BBS9: variants seen among roughly 807,000 people sequenced by gnomAD.
BBS9 encodes Bardet-Biedl syndrome 9, also known as protein PTHB1.
A neutral mutation model predicts 117.7 loss-of-function variants in BBS9; 89 were observed. The ratio of observed to expected loss-of-function variants is 0.76; its 90% CI spans 0.64 to 0.90. The LOEUF is 0.90. Among genes scored for constraint, BBS9 ranks in the 40% least tolerant of loss-of-function variants. The probability of loss-of-function intolerance (pLI) is 0.00; values close to 1 mark genes in which losing one functional copy is unlikely to be tolerated. For missense variants in BBS9, 982 were observed against 1,042.2 expected (o/e 0.94, Z 0.80); for synonymous variants, 379 against 370.9 (o/e 1.02, Z -0.25).
At chr7:33,503,962 G>A (rs1308352057) in intron 19 of BBS9, among the ~76,000 whole-genome samples, 3 of 152,156 alleles carry the variant, frequency 2.0e-5, no homozygotes, top group South Asian at 2.1e-4. Context: ...ACAGTAATCC[G>A]TCCCTTTGCT....
At chr7:33,465,311 T>C (rs994145579) in intron 19 of BBS9, among the ~76,000 whole-genome samples, 1 of 151,564 alleles carries the variant, frequency 6.6e-6, no homozygotes, top group African/African-American at 2.4e-5. Context: ...GGCATATTTA[T>C]TTTATGATCG....
chr7:33,332,417 G>T (rs1335144054), intron 9 of BBS9, among the ~76,000 whole-genome samples: 1 of 152,172 alleles, frequency 6.6e-6, no homozygotes, highest in Non-Finnish European at 1.5e-5. Flanking sequence ...TGGGGCTCAC[G>T]CCTGTAATCC....
intron 15 of BBS9, among the ~76,000 whole-genome samples, chr7:33,356,121 CAAGTTT>C (rs1190777289): frequency 6.6e-6 from 1 of 151,780 alleles, no homozygotes; most frequent in African/African-American, 2.4e-5. Context: ...AAGATGGAAA[CAAGTTT>C]AAGTTTCCTT....
intron 21 of BBS9, among the ~76,000 whole-genome samples, chr7:33,631,040 G>A (rs749561245): frequency 2.0e-5 from 3 of 152,214 alleles, no homozygotes; most frequent in Admixed American, 2.0e-4. Context: ...AGCACAGGGG[G>A]TGATACAGGC....
chr7:33,332,159 G>A (rs552787636), intron 9 of BBS9, among the ~76,000 whole-genome samples: 3 of 148,474 alleles, frequency 2.0e-5, no homozygotes, highest in East Asian at 2.2e-4. Flanking sequence ...GACTTCGAGC[G>A]AACTGATCTT....
intron 19 of BBS9, among the ~76,000 whole-genome samples, chr7:33,453,142 A>G (rs1838138239): frequency 6.6e-6 from 1 of 152,198 alleles, no homozygotes; most frequent in East Asian, 1.9e-4. Flanking sequence ...GGTCTTAACT[A>G]TGGTTATGGG....
chr7:33,172,961 T>C (rs1244585070), intron 4 of BBS9, among the ~76,000 whole-genome samples: 2 of 152,198 alleles, frequency 1.3e-5, no homozygotes, highest in Admixed American at 1.3e-4. Flanking sequence ...CAGGCAGACA[T>C]CCTTAAAAAT....
At chr7:33,437,304 C>T (rs1341944133) in intron 19 of BBS9, among the ~76,000 whole-genome samples, 1 of 152,182 alleles carries the variant, frequency 6.6e-6, no homozygotes, top group Non-Finnish European at 1.5e-5. Flanking sequence ...CAGCTGACCT[C>T]TCTGCTCCCA....
chr7:33,499,046 C>T (rs1049348871), intron 19 of BBS9, among the ~76,000 whole-genome samples: 1 of 152,102 alleles, frequency 6.6e-6, no homozygotes, highest in Non-Finnish European at 1.5e-5. Flanking sequence ...CTTTTTACTC[C>T]TCTCATTTAA....
intron 19 of BBS9, among the ~76,000 whole-genome samples, chr7:33,445,634 A>G (rs1295089999): frequency 6.6e-6 from 1 of 152,184 alleles, no homozygotes; most frequent in Non-Finnish European, 1.5e-5. Flanking sequence ...ATCCATCTAA[A>G]TGATATTGAT....
intron 19 of BBS9, among the ~76,000 whole-genome samples, chr7:33,407,158 T>A (rs539371457): frequency 6.6e-6 from 1 of 152,318 alleles, no homozygotes; most frequent in South Asian, 2.1e-4. Flanking sequence ...TCTCTAAACT[T>A]CCCTTCTCGC....
At chr7:33,554,406 A>G (rs892720116) in intron 21 of BBS9, among the ~76,000 whole-genome samples, 1 of 152,156 alleles carries the variant, frequency 6.6e-6, no homozygotes, top group African/African-American at 2.4e-5. Context: ...GGTTATGGCA[A>G]TGGAGATAGA....
intron 19 of BBS9, among the ~76,000 whole-genome samples, chr7:33,439,142 G>A (rs1402205737): frequency 6.6e-6 from 1 of 152,154 alleles, no homozygotes; most frequent in African/African-American, 2.4e-5. Flanking sequence ...GCTAGGCCGG[G>A]CCCTAGTTTT....
At chr7:33,574,697 A>AC (rs1858425580) in intron 21 of BBS9, among the ~76,000 whole-genome samples, 3 of 138,780 alleles carry the variant, frequency 2.2e-5, no homozygotes, top group African/African-American at 9.1e-5. Flanking sequence ...ACACACACAC[A>AC]CACACACACA....
intron 21 of BBS9, among the ~76,000 whole-genome samples, chr7:33,588,325 G>A (rs1861302081): frequency 6.6e-6 from 1 of 152,088 alleles, no homozygotes; most frequent in Non-Finnish European, 1.5e-5. Flanking sequence ...ATTCTATACT[G>A]TGTTCTGTTG....
At chr7:33,548,184 A>G (rs1471253862) in intron 21 of BBS9, among the ~76,000 whole-genome samples, 9 of 152,306 alleles carry the variant, frequency 5.9e-5, no homozygotes, top group East Asian at 1.9e-4. Flanking sequence ...ACTAATGTGG[A>G]TACTCAACAG....
chr7:33,474,508 T>G (rs1036969384), intron 19 of BBS9, among the ~76,000 whole-genome samples: 6 of 152,224 alleles, frequency 3.9e-5, no homozygotes, highest in African/African-American at 1.4e-4. Flanking sequence ...TTCTTATCTT[T>G]GGAATATTGT....
chr7:33,392,126 G>T (rs1032129465), intron 19 of BBS9, among the ~76,000 whole-genome samples: 1 of 152,108 alleles, frequency 6.6e-6, no homozygotes, highest in African/African-American at 2.4e-5. Flanking sequence ...CCTGCTTATC[G>T]CATATTCCAT....
At position 33,542,503 on chromosome 7, in the gene BBS9, C is replaced by T. The variant is rs889419370; in HGVS notation, c.2521+8327C>T. 3.9e-5 allele frequency among the ~76,000 whole-genome samples: 6 copies of T among 152,052 alleles called. No homozygotes were observed. The East Asian group carries it at 5.8e-4, about 15-fold the overall frequency. Reference sequence around the variant, plus strand: ...CTCCTCCCACTCTTTCCCTCAAGTCCCCAGAGTCCATTGTATCATTCTTAT... The same window carrying T: ...CTCCTCCCACTCTTTCCCTCAAGTCTCCAGAGTCCATTGTATCATTCTTAT... On this transcript the variant is annotated intron_variant, in intron 21 of 22. Coordinates refer to ENST00000242067, the MANE Select transcript of BBS9 (RefSeq NM_198428.3).
Sources: allele counts gnomAD v4.1 joint callset (sites outside exome capture counted in the v4.1 genomes callset), GRCh38; gene constraint gnomAD v4.1.1; transcripts MANE v1.5; gene names NCBI Gene and HGNC (gene_info 2026-07-23, HGNC 2026-07-21).